KIF26B: variants seen among roughly 807,000 people sequenced by gnomAD.
KIF26B encodes the protein kinesin family member 26B.
KIF26B carries 63 observed loss-of-function variants against 151.2 expected under a neutral mutation model. That is an observed-to-expected ratio of 0.42 (90% confidence interval 0.34 to 0.51). The LOEUF (loss-of-function observed/expected upper bound fraction) is 0.51, where lower values mean the gene tolerates loss of function less well. KIF26B is among the 20% of genes least tolerant of loss of function. The pLI is 0.07. For missense variants in KIF26B, 2,813 were observed against 2,913.6 expected (o/e 0.97, Z 0.79); for synonymous variants, 1,357 against 1,262.1 (o/e 1.08, Z -1.59).
Position 245,678,174 on chromosome 1 carries a change from A to G in KIF26B, c.2259-6059A>G, listed in dbSNP as rs538964100. 3.9e-5 allele frequency among the ~76,000 whole-genome samples: 6 copies of G among 152,040 alleles called. No individual in the cohort carries two copies. The South Asian group carries it at 1.2e-3, about 32-fold the overall frequency. The stretch of plus-strand genomic sequence containing the variant: ...TTTGAACAGTCAGCGTGTATTTCAA[A>G]GCCGTGGTTCTGTCCCCCTCTGGTG... On this transcript the variant is annotated intron_variant, in intron 10 of 14. Transcript: ENST00000407071.
At chr1:245,536,137 C>T (rs1196955112) in intron 4 of KIF26B, among the ~76,000 whole-genome samples, 1 of 152,146 alleles carries the variant, frequency 6.6e-6, no homozygotes, top group Non-Finnish European at 1.5e-5. Flanking sequence ...ATTTAACTGC[C>T]TTGAGCTTCA....
In KIF26B at chr1:245,166,028, T is replaced by G. The variant is rs537335684; in HGVS notation, c.465+9345T>G. Among the ~76,000 whole-genome samples, 1 of 152,144 alleles carries G rather than the reference T, an allele frequency of 6.6e-6. No homozygotes were observed. The highest frequency in any genetic ancestry group is 6.5e-5 in the Admixed American group (1 of 15,280). On this transcript the variant is annotated intron_variant, in intron 2 of 14. Coordinates refer to ENST00000407071, the MANE Select transcript of KIF26B (RefSeq NM_018012.4). This position sits in a 1 kb window ranked among gnomAD's most constrained non-coding sequence, Gnocchi z 4.5. The stretch of plus-strand genomic sequence containing the variant: ...AATGAAGAACTACAATCAACAGACT[T>G]GCGTGCAAAACCAGGCTCCGTCACT...
chr1:245,313,137 C>T (rs900806759), intron 2 of KIF26B, among the ~76,000 whole-genome samples: 3 of 151,974 alleles, frequency 2.0e-5, no homozygotes, highest in Admixed American at 6.6e-5. Context: ...TCAGCCTCGG[C>T]GACAGAGTGA....
chr1:245,462,759 G>C (rs1659678362), intron 4 of KIF26B, among the ~76,000 whole-genome samples: 1 of 152,192 alleles, frequency 6.6e-6, no homozygotes, highest in Non-Finnish European at 1.5e-5. Context: ...AAAGTTGCCA[G>C]AGCTGGGATT....
chr1:245,156,360 T>G lies in KIF26B; in HGVS notation c.142T>G (p.Ser48Ala). The G allele has an allele frequency of 6.5e-7, 1 of 1,543,116 alleles. No individual in the cohort carries two copies. Among genetic ancestry groups the G allele is most frequent in the Non-Finnish European group, 8.7e-7 (1 of 1,144,302 alleles). ...ESWYRKAYEESRAGSRPTPEG... is the reference protein window; with the variant it reads ...ESWYRKAYEEARAGSRPTPEG... ...CTGGTACCGGAAAGCATACGAGGAG[T>G]CGCGCGCCGGCAGCCGGCCCACTCC... The change falls in exon 2 of 15, where the codon TCG becomes GCG. Residue 48 changes from serine (S) to alanine (A), a missense_variant. Ser to Ala is a moderately conservative substitution (Grantham distance 99). Transcript: ENST00000407071.
intron 2 of KIF26B, among the ~76,000 whole-genome samples, chr1:245,236,164 G>T (rs1670106111): frequency 6.6e-6 from 1 of 152,160 alleles, no homozygotes; most frequent in South Asian, 2.1e-4. Context: ...TCCTGACCTT[G>T]TAGTCTGCCT....
intron 2 of KIF26B, among the ~76,000 whole-genome samples, chr1:245,331,291 G>A (rs1332561360): frequency 6.6e-6 from 1 of 152,054 alleles, no homozygotes; most frequent in Non-Finnish European, 1.5e-5. Flanking sequence ...TGCTGAGCCA[G>A]GAGCTTCAGA....
chr1:245,431,832 G>A (rs907677453), intron 4 of KIF26B, among the ~76,000 whole-genome samples: 1 of 152,152 alleles, frequency 6.6e-6, no homozygotes, highest in African/African-American at 2.4e-5. Context: ...ATCGCTTTCA[G>A]TCTCATGCAG....
At position 245,275,337 on chromosome 1, in the gene KIF26B, G is replaced by A. The variant is rs185480172; in HGVS notation, c.466-91497G>A. 5.8e-3 allele frequency among the ~76,000 whole-genome samples: 882 copies of A among 152,204 alleles called. 6 individuals carry two copies. The highest frequency in any genetic ancestry group is 0.011 in the Non-Finnish European group (720 of 68,034). ...GTGCAGAAGCTCTTTAGTTTAATTCGATCCCATTTGTCAATTTTGGCTTTT... is the reference window on the plus strand; with the variant it reads ...GTGCAGAAGCTCTTTAGTTTAATTCAATCCCATTTGTCAATTTTGGCTTTT... On this transcript the variant is annotated intron_variant, in intron 2 of 14. Coordinates refer to ENST00000407071, the MANE Select transcript of KIF26B (RefSeq NM_018012.4).
intron 2 of KIF26B, among the ~76,000 whole-genome samples, chr1:245,209,227 C>T (rs1669464166): frequency 6.6e-6 from 1 of 151,968 alleles, no homozygotes; most frequent in Admixed American, 6.6e-5. Context: ...TGGTGAAACC[C>T]CATTTCTACT....
intron 6 of KIF26B, among the ~76,000 whole-genome samples, chr1:245,604,953 CT>C (rs998829933): frequency 1.3e-5 from 2 of 152,340 alleles, no homozygotes; most frequent in African/African-American, 4.8e-5. Flanking sequence ...GATGAAGTCA[CT>C]TGTTCAAAGT....
chr1:245,387,875 C>G (rs550878489), intron 3 of KIF26B, among the ~76,000 whole-genome samples: 1 of 152,266 alleles, frequency 6.6e-6, no homozygotes, highest in Non-Finnish European at 1.5e-5. Flanking sequence ...CATCTCTCTC[C>G]CTCATCCACT....
At chr1:245,355,942 C>T (rs1211128506) in intron 2 of KIF26B, among the ~76,000 whole-genome samples, 2 of 152,144 alleles carry the variant, frequency 1.3e-5, no homozygotes, top group Admixed American at 6.5e-5. Context: ...TCCTCTTGGC[C>T]TTCCTTCCCA....
At chr1:245,420,798 G>A (rs185902912) in intron 4 of KIF26B, among the ~76,000 whole-genome samples, 1 of 152,216 alleles carries the variant, frequency 6.6e-6, no homozygotes, top group Admixed American at 6.5e-5. Flanking sequence ...AAGGAATATT[G>A]TGTGGCTTTG....
At chr1:245,548,124 G>A (rs952408296) in intron 5 of KIF26B, among the ~76,000 whole-genome samples, 2 of 152,164 alleles carry the variant, frequency 1.3e-5, no homozygotes, top group South Asian at 4.1e-4. Flanking sequence ...GTATCTATGG[G>A]CAAGCTAGAA....
rs181594774 is a variant in KIF26B at position 245,348,695 on chromosome 1, G to T, written c.466-18139G>T. On this transcript the variant is annotated intron_variant, in intron 2 of 14. Coordinates refer to ENST00000407071, the MANE Select transcript of KIF26B (RefSeq NM_018012.4). ...GGTTTCAATATATGAATTCTGTGGG[G>T]CAACACCACGTTCAGTTTACAGCGG... Among the ~76,000 whole-genome samples, 5 of 152,218 alleles carry T rather than the reference G, an allele frequency of 3.3e-5. No individual in the cohort carries two copies. The East Asian group carries it at 7.7e-4, about 24-fold the overall frequency.
intron 4 of KIF26B, among the ~76,000 whole-genome samples, chr1:245,486,426 A>G (rs1660282360): frequency 6.6e-6 from 1 of 152,208 alleles, no homozygotes; most frequent in African/African-American, 2.4e-5. Flanking sequence ...CATCACATAT[A>G]GTGCTATATA....
chr1:245,394,572 A>G (rs1673777678), intron 3 of KIF26B, among the ~76,000 whole-genome samples: 1 of 152,154 alleles, frequency 6.6e-6, no homozygotes. Flanking sequence ...GCACAGAGCC[A>G]AGATTGCACC....
chr1:245,172,467 G>A (rs543133452), intron 2 of KIF26B, among the ~76,000 whole-genome samples: 1 of 152,174 alleles, frequency 6.6e-6, no homozygotes, highest in Non-Finnish European at 1.5e-5. Flanking sequence ...GCCTTGAGGG[G>A]CTGCAGGAAC....
Sources: gnomAD v4.1 joint callset for allele counts (sites outside exome capture counted in the v4.1 genomes callset) on GRCh38, gnomAD v4.1.1 for gene constraint, Gnocchi (gnomAD v3.1) non-coding constraint, MANE v1.5 for transcripts, NCBI Gene and HGNC (gene_info 2026-07-23, HGNC 2026-07-21) for gene names.